Variants in RUFY1 observed in about 807,000 individuals in gnomAD.
RUFY1 encodes the protein RUN and FYVE domain-containing protein 1.
Under a neutral mutation model 94.6 loss-of-function variants are expected in RUFY1, and 54 were observed. That is an observed-to-expected ratio of 0.57 (90% CI 0.46 to 0.72). The LOEUF (loss-of-function observed/expected upper bound fraction) is 0.72, where lower values mean the gene tolerates loss of function less well. RUFY1 is among the 30% of genes least tolerant of loss of function. The probability of loss-of-function intolerance (pLI) is 0.00; values close to 1 mark genes in which losing one functional copy is unlikely to be tolerated. For missense variants in RUFY1, 883 were observed against 883.9 expected (o/e 1.00, Z 0.01); for synonymous variants, 396 against 347.3 (o/e 1.14, Z -1.56).
chr5:179,550,910 G>A (rs1761803949), intron 1 of RUFY1, 31 bp downstream of exon 1: 4 of 1,097,860 alleles, frequency 3.6e-6, no homozygotes, highest in South Asian at 8.8e-5. Context: ...TCCCGCGGCG[G>A]ACTCGCGTGT....
chr5:179,593,275 G>A (rs961406359), intron 10 of RUFY1, among the ~76,000 whole-genome samples: 15 of 151,810 alleles, frequency 9.9e-5, no homozygotes, highest in East Asian at 7.8e-4. Context: ...ATGGGGTTTC[G>A]CCATCTTGGC....
At chr5:179,573,957 G>A (rs1421426373) in intron 5 of RUFY1, among the ~76,000 whole-genome samples, 1 of 152,082 alleles carries the variant, frequency 6.6e-6, no homozygotes, top group Non-Finnish European at 1.5e-5. Flanking sequence ...TACTATCCCT[G>A]AATTTCTAAA....
At chr5:179,609,320 G>A (rs1006127654) in intron 17 of RUFY1, 56 bp from the exon 18 acceptor site, 4 of 1,580,116 alleles carry the variant, frequency 2.5e-6, no homozygotes, top group African/African-American at 1.3e-5. Flanking sequence ...AGCAGGGAGG[G>A]TGTGCGGATG....
chr5:179,594,924 C>A lies in RUFY1; in HGVS notation c.1472C>A (p.Thr491Asn). 6.2e-7 allele frequency: 1 copy of A among 1,613,352 alleles called. No homozygotes were observed. The highest frequency in any genetic ancestry group is 1.1e-5 in the South Asian group (1 of 91,056). ...GCCATCACATCCTTTGAAGGAAAAA[C>A]CAACCAAGTTATGTCCAGCATGAAA... ...NEAITSFEGKTNQVMSSMKQM... is the reference protein window; with the variant it reads ...NEAITSFEGKNNQVMSSMKQM... Residue 491 changes from threonine to asparagine, a missense_variant, in exon 12 of 18, where the codon ACC (threonine) becomes AAC (asparagine). Physicochemically the swap from Thr to Asn is moderately conservative, Grantham distance 65. Transcript: ENST00000319449.
At chr5:179,601,235 C>A (rs555104048) in intron 14 of RUFY1, among the ~76,000 whole-genome samples, 1 of 151,968 alleles carries the variant, frequency 6.6e-6, no homozygotes, top group Non-Finnish European at 1.5e-5. Context: ...GTAGCACCAT[C>A]TCGGCTCACT....
chr5:179,585,679 AC>A (rs1764552074), intron 7 of RUFY1, 116 bp from the exon 8 acceptor site: 3 of 700,688 alleles, frequency 4.3e-6, no homozygotes, highest in Non-Finnish European at 7.6e-6. Flanking sequence ...TTAATTGGAG[AC>A]CCTCTGCCTT....
intron 1 of RUFY1, among the ~76,000 whole-genome samples, chr5:179,553,982 A>C (rs1216855004): frequency 2.6e-5 from 4 of 152,140 alleles, no homozygotes; most frequent in African/African-American, 9.7e-5. Context: ...AAATGGGCCA[A>C]GGGCGGCTCG....
chr5:179,582,266 C>T (rs62397276), intron 7 of RUFY1, among the ~76,000 whole-genome samples: 34,574 of 151,700 alleles, frequency 0.23, 4,823 homozygotes, highest in East Asian at 0.64. Flanking sequence ...ACTCTGTCAC[C>T]CAGGCTGGAG....
intron 7 of RUFY1, 83 bp from the exon 8 acceptor site, chr5:179,585,713 G>A: frequency 1.0e-6 from 1 of 993,824 alleles, no homozygotes; most frequent in South Asian, 1.4e-5. Flanking sequence ...AGGAAATCTA[G>A]GAATCTCTCT....
At chr5:179,589,894 C>T (rs1220148122) in intron 9 of RUFY1, among the ~76,000 whole-genome samples, 2 of 152,234 alleles carry the variant, frequency 1.3e-5, no homozygotes, top group Non-Finnish European at 2.9e-5. Context: ...TCTTCAGCAT[C>T]CACTCACCTG....
chr5:179,601,817 CAAAAAAAAAAAAAAAA>C (rs56169514), intron 14 of RUFY1, 59 bp from the exon 15 acceptor site: 4 of 515,992 alleles, frequency 7.8e-6, no homozygotes, highest in African/African-American at 3.4e-5. Context: ...GACCCTGTCT[CAAAAAAAAAAAAAAAA>C]AAAAAAAAAA....
rs778513756 is a variant in RUFY1, at chr5:179,605,909, G to C, written c.1890G>C (p.Val630=). 43 of 1,608,952 alleles carry C rather than the reference G, an allele frequency of 2.7e-5. No individual in the cohort carries two copies. Among genetic ancestry groups the C allele is most frequent in the Non-Finnish European group, 3.5e-5 (41 of 1,177,230 alleles). The part of the protein sequence containing the change: ...SKLKMEDIKE[V]NQALKGHAWL... ...TGAAGATGGAAGATATAAAAGAAGT[G>C]AACCAGGCACTGAAGGTACTGCCTT... Residue 630 remains valine, a synonymous_variant, in exon 16 of 18, where the codon GTG becomes GTC. Transcript: ENST00000319449.
chr5:179,593,620 A>C lies in RUFY1; in HGVS notation c.1388A>C (p.Asn463Thr). 6.2e-7 allele frequency: 1 copy of C among 1,614,034 alleles called. No individual in the cohort carries two copies. The highest frequency in any genetic ancestry group is 8.5e-7 in the Non-Finnish European group (1 of 1,179,964). Residue 463 changes from asparagine to threonine, a missense_variant, in exon 11 of 18, where the codon AAT (asparagine) becomes ACT (threonine). Physicochemically the swap from Asn to Thr is moderately conservative, Grantham distance 65. Coordinates refer to ENST00000319449, the MANE Select transcript of RUFY1 (RefSeq NM_025158.5). The part of the protein sequence containing the change: ...RQQLEEVKAI[N>T]LQMFHKAQNA... ...CAGCTGGAAGAAGTCAAAGCGATTA[A>C]TTTACAGATGTTTCACAAAGCTCAG... is the stretch of plus-strand genomic sequence containing the variant.
chr5:179,598,051 G>C (rs111666074), intron 13 of RUFY1, among the ~76,000 whole-genome samples: 2 of 152,238 alleles, frequency 1.3e-5, no homozygotes, highest in Non-Finnish European at 2.9e-5. Flanking sequence ...TTAGCTGGGC[G>C]TGGTGGCGTG....
intron 3 of RUFY1, among the ~76,000 whole-genome samples, chr5:179,563,607 G>A (rs1285778985): frequency 6.6e-6 from 1 of 152,040 alleles, no homozygotes; most frequent in Admixed American, 6.6e-5. Context: ...TGCAAATTCT[G>A]CCTGCCCGGC....
chr5:179,560,996 A>C (rs1188270787), intron 2 of RUFY1, among the ~76,000 whole-genome samples: 1 of 152,046 alleles, frequency 6.6e-6, no homozygotes, highest in East Asian at 1.9e-4. Context: ...GGATCGCTTG[A>C]GCTCAGGAGC....
At chr5:179,580,453 A>G (rs947100077) in intron 6 of RUFY1, among the ~76,000 whole-genome samples, 1 of 151,552 alleles carries the variant, frequency 6.6e-6, no homozygotes, top group Non-Finnish European at 1.5e-5. Context: ...CGTGTTAGCC[A>G]GGATGGTCTC....
At chr5:179,591,286 G>A (rs539379185) in intron 9 of RUFY1, among the ~76,000 whole-genome samples, 1 of 151,828 alleles carries the variant, frequency 6.6e-6, no homozygotes, top group Non-Finnish European at 1.5e-5. Context: ...CCGGGTTCAC[G>A]CCATTCTCCT....
At chr5:179,569,603 G>T (rs1441340831) in intron 5 of RUFY1, among the ~76,000 whole-genome samples, 178 bp downstream of exon 5, 16 of 152,072 alleles carry the variant, frequency 1.1e-4, no homozygotes, top group African/African-American at 3.6e-4. Flanking sequence ...ATAGCCAGAG[G>T]TACACACGGA....
Sources: allele counts gnomAD v4.1 joint callset (sites outside exome capture counted in the v4.1 genomes callset), GRCh38; gene constraint gnomAD v4.1.1; transcripts MANE v1.5; gene names NCBI Gene and HGNC (gene_info 2026-07-23, HGNC 2026-07-21).